GET1: variants seen among roughly 807,000 people sequenced by gnomAD.
GET1 encodes the protein congenital heart disease 5 protein.
A neutral mutation model predicts 22.6 loss-of-function variants in GET1; 20 were observed. The observed-to-expected ratio is 0.89, with a 90% confidence interval of 0.62 to 1.29. The LOEUF (loss-of-function observed/expected upper bound fraction) is 1.29, where lower values mean the gene tolerates loss of function less well. Ranked by LOEUF, GET1 falls within the 50% of genes most tolerant of loss-of-function variation. GET1 has a pLI of 0.00. For missense variants in GET1, 209 were observed against 219.9 expected (o/e 0.95, Z 0.31); for synonymous variants, 92 against 83.8 (o/e 1.10, Z -0.53).
chr21:39,393,090 A>G (rs2038413209), intron 3 of GET1, 76 bp from the exon 4 acceptor site: 4 of 1,291,594 alleles, frequency 3.1e-6, no homozygotes, highest in South Asian at 2.5e-5. Context: ...TTATTTTCGC[A>G]TTTCCCTGTC....
At chr21:39,403,232 C>T (rs950514662) in intron 4 of GET1, among the ~76,000 whole-genome samples, 3 of 152,192 alleles carry the variant, frequency 2.0e-5, no homozygotes, top group South Asian at 2.1e-4. Flanking sequence ...TTACTCCTTC[C>T]GTCCTCTTCT....
rs1569083173 is a variant in GET1 at position 39,417,179 on chromosome 21, CG to C, written c.*23+6243del. 3.2e-4 allele frequency among the ~76,000 whole-genome samples: 49 copies of C among 152,114 alleles called. 1 individual carries two copies. Among genetic ancestry groups the C allele is most frequent in the Admixed American group, 2.6e-3 (40 of 15,270 alleles). On this transcript the variant is annotated intron_variant, in intron 1 of 1. Transcript: ENST00000478273. ...TCCTGAGTAGCTGGGATTACAGGCG[CG>C]CACCACCACACCTGGCTAATTTTTT...
intron 1 of GET1, among the ~76,000 whole-genome samples, chr21:39,415,601 A>G (rs764872708): frequency 1.2e-4 from 19 of 152,320 alleles, no homozygotes; most frequent in Non-Finnish European, 2.5e-4. Flanking sequence ...CCCCCAATCA[A>G]TAATTCCTTC....
At chr21:39,417,240 AT>A (rs1409039732) in intron 1 of GET1, among the ~76,000 whole-genome samples, 1 of 152,052 alleles carries the variant, frequency 6.6e-6, no homozygotes, top group East Asian at 1.9e-4. Context: ...GGGTTTCACC[AT>A]GTTGGCCAGG....
chr21:39,428,418 A>C (rs1033737888), exon 2 of GET1: 18 of 1,612,006 alleles, frequency 1.1e-5, no homozygotes, highest in Middle Eastern at 1.7e-4. Flanking sequence ...CATGCTGCAG[A>C]CCTCCTATTG....
chr21:39,416,375 A>T (rs2041156746), intron 1 of GET1, among the ~76,000 whole-genome samples: 1 of 152,206 alleles, frequency 6.6e-6, no homozygotes, highest in East Asian at 1.9e-4. Flanking sequence ...GTAAGAACCT[A>T]TTCTAGATGG....
intron 3 of GET1, among the ~76,000 whole-genome samples, chr21:39,392,330 G>A (rs2038356373): frequency 6.6e-6 from 1 of 152,168 alleles, no homozygotes; most frequent in Non-Finnish European, 1.5e-5. Flanking sequence ...GTTGGGCTCT[G>A]CTCTGCCCCG....
chr21:39,382,491 T>C (rs1025400629), intron 1 of GET1, among the ~76,000 whole-genome samples: 1 of 152,238 alleles, frequency 6.6e-6, no homozygotes, highest in Non-Finnish European at 1.5e-5. Flanking sequence ...TGGGACCTCA[T>C]ATAAGTGGAA....
Position 39,393,147 on chromosome 21 carries a change from A to T in GET1, c.337-19A>T, listed in dbSNP as rs772290071. 6.2e-7 allele frequency: 1 copy of T among 1,607,352 alleles called. No homozygotes were observed. Among genetic ancestry groups the T allele is most frequent in the Non-Finnish European group, 8.5e-7 (1 of 1,173,990 alleles). On this transcript the variant is annotated intron_variant, in intron 3 of 4. Transcript: ENST00000649170. ...GTGTGATTGGCAGGCTGCTTTGCTC[A>T]CCAGAGGTGTCTTTACAGGCTGCCC...
In GET1 at chr21:39,396,965, G is replaced by A. The variant is rs529716939; in HGVS notation, c.*26G>A. ...ACAGGAGGATGGATACAGCCGCGAG[G>A]CTAAAAAACGGATTTCCTCTTCCTA... On this transcript the variant is annotated 3_prime_UTR_variant, in exon 5 of 5. Transcript: ENST00000649170. 1.9e-6 allele frequency: 3 copies of A among 1,610,660 alleles called. No individual in the cohort carries two copies. Among genetic ancestry groups the A allele is most frequent in the African/African-American group, 1.3e-5 (1 of 74,838 alleles).
rs757537205 is a variant in GET1, at chr21:39,391,894, C to G, written c.336+58C>G. ...GAGTTGGTGACCCCGGCCTCCAGAG[C>G]CGTGTCTGCAGATCCAGGGCTGGGA... On this transcript the variant is annotated intron_variant, in intron 3 of 4. Coordinates refer to ENST00000649170, the MANE Select transcript of GET1 (RefSeq NM_004627.6). 28 of 1,562,948 alleles carry G rather than the reference C, an allele frequency of 1.8e-5. No homozygotes were observed. In the East Asian group the frequency reaches 6.3e-4, roughly 35 times the overall value.
At chr21:39,395,062 A>G (rs777991490) in intron 4 of GET1, among the ~76,000 whole-genome samples, 4 of 151,930 alleles carry the variant, frequency 2.6e-5, no homozygotes, top group Admixed American at 1.3e-4. Context: ...TTTTATAGAG[A>G]TGGGGTCTTG....
chr21:39,421,165 C>T (rs1035991587), intron 1 of GET1, among the ~76,000 whole-genome samples: 5 of 148,156 alleles, frequency 3.4e-5, no homozygotes, highest in Non-Finnish European at 5.9e-5. Flanking sequence ...TGCAGTGGTG[C>T]GATCTCGGCT....
chr21:39,403,555 T>C (rs138529128), intron 4 of GET1, among the ~76,000 whole-genome samples: 61,721 of 151,240 alleles, frequency 0.41, 13,760 homozygotes, highest in African/African-American at 0.59. Context: ...TCGATCTGAC[T>C]TCATGATCCG....
chr21:39,380,826 C>T (rs1170920679), intron 1 of GET1: 4 of 1,011,482 alleles, frequency 4.0e-6, no homozygotes, highest in South Asian at 8.4e-5. Flanking sequence ...TTCGAGCAGC[C>T]CTCGGCCAGG....
downstream of GET1, among the ~76,000 whole-genome samples, chr21:39,399,284 G>GT (rs564068176): frequency 5.2e-4 from 78 of 151,262 alleles, 1 homozygote; most frequent in East Asian, 5.0e-3. Flanking sequence ...CCTATTTACT[G>GT]TTTTTTTTTA....
At position 39,428,326 on chromosome 21, in the gene GET1, G is replaced by A. The variant is rs1288333567; in HGVS notation, c.*118G>A. 4 of 1,613,410 alleles carry A rather than the reference G, an allele frequency of 2.5e-6. No homozygotes were observed. The East Asian group carries it at 8.9e-5, about 36-fold the overall frequency. ...ACTGAGAACTTAAACTTCCACAGGA[G>A]CACTGAGATCTGCTATAATCAACAC... On this transcript the variant is annotated 3_prime_UTR_variant, in exon 2 of 2. Coordinates refer to the GET1 transcript ENST00000478273.
intron 1 of GET1, chr21:39,420,709 A>C: frequency 6.2e-7 from 1 of 1,609,332 alleles, no homozygotes; most frequent in Non-Finnish European, 8.5e-7. Flanking sequence ...GAAATACCTT[A>C]AGTTTTTGTT....
rs1366053450 is a variant in GET1, at chr21:39,393,241, C to A, written c.412C>A (p.Pro138Thr). ...TGTCGTGCCGAGTAAATGGATAACC[C>A]CTCTAGACCGCCTGGTAGCCTTTCC... ...VAVVPSKWIT[P>T]LDRLVAFPTR... Residue 138 changes from proline to threonine, a missense_variant, in exon 4 of 5, where the codon CCT (proline) becomes ACT (threonine). Coordinates refer to ENST00000649170, the MANE Select transcript of GET1 (RefSeq NM_004627.6). 2 of 1,614,038 alleles carry A rather than the reference C, an allele frequency of 1.2e-6. No individual in the cohort carries two copies. The highest frequency in any genetic ancestry group is 1.7e-5 in the Admixed American group (1 of 60,002).
Sources: gnomAD v4.1 joint callset for allele counts (sites outside exome capture counted in the v4.1 genomes callset) on GRCh38, gnomAD v4.1.1 for gene constraint, MANE v1.5 for transcripts, NCBI Gene and HGNC (gene_info 2026-07-23, HGNC 2026-07-21) for gene names.